EIF3H: variants seen among roughly 807,000 people sequenced by gnomAD.
The protein encoded by EIF3H is eIF-3-gamma.
A neutral mutation model predicts 44.2 loss-of-function variants in EIF3H; 26 were observed. The ratio of observed to expected loss-of-function variants is 0.59; its 90% confidence interval spans 0.43 to 0.82. EIF3H has a LOEUF of 0.82. EIF3H is among the 40% of genes least tolerant of loss of function. EIF3H has a pLI of 0.00. For missense variants in EIF3H, 359 were observed against 432.8 expected (o/e 0.83, Z 1.51); for synonymous variants, 166 against 151.9 (o/e 1.09, Z -0.68).
At chr8:116,715,439 G>A (rs1814646669) in intron 2 of EIF3H, among the ~76,000 whole-genome samples, 1 of 152,026 alleles carries the variant, frequency 6.6e-6, no homozygotes, top group Admixed American at 6.6e-5. Context: ...TACTGTCTGA[G>A]TAAAAAGATA....
At chr8:116,696,393 G>C (rs1814268694) in intron 2 of EIF3H, among the ~76,000 whole-genome samples, 1 of 152,134 alleles carries the variant, frequency 6.6e-6, no homozygotes, top group African/African-American at 2.4e-5. Flanking sequence ...ACAGCTACAT[G>C]ACTAAATTGA....
chr8:116,755,785 T>C lies in EIF3H; in HGVS notation c.13A>G (p.Lys5Glu), dbSNP rs142645902. 5.6e-6 allele frequency: 9 copies of C among 1,613,666 alleles called. No homozygotes were observed. Among genetic ancestry groups the C allele is most frequent in the African/African-American group, 4.0e-5 (3 of 74,920 alleles). ...GTGGCAGTAGAGCCGGTACCTTCCT[T>C]GCGGGACGCCATCTTTCCAAGCAGA... Reference protein sequence around the residue: MASRKEGTGSTATSS... With the variant: MASREEGTGSTATSS... The change falls in exon 1 of 8, where the codon AAG (lysine) becomes GAG (glutamate). Residue 5 changes from lysine (K) to glutamate (E), a missense_variant. Coordinates refer to ENST00000521861, the MANE Select transcript of EIF3H (RefSeq NM_003756.3).
At position 116,658,846 on chromosome 8, in the gene EIF3H, G is replaced by A. The variant is rs373715720; in HGVS notation, c.424C>T (p.His142Tyr). ...ALLDSQFSYQ[H>Y]AIEESVVLIY... Reference sequence around the variant, plus strand: ...AGAACGACAGATTCTTCAATGGCATGCTGGTAACTAAACTGAGAGTCCAGG... The same window carrying A: ...AGAACGACAGATTCTTCAATGGCATACTGGTAACTAAACTGAGAGTCCAGG... The change falls in exon 3 of 8, where the codon CAT becomes TAT. Residue 142 changes from histidine to tyrosine, a missense_variant. His to Tyr is a moderately conservative substitution (Grantham distance 83). Around this residue, in one of 5 missense-constraint regions of EIF3H, gnomAD observed 91 missense variants for 164.6 expected, o/e 0.55. Coordinates refer to ENST00000521861, the MANE Select transcript of EIF3H (RefSeq NM_003756.3). The A allele has an allele frequency of 1.2e-6, 2 of 1,613,676 alleles. No homozygotes were observed. Among genetic ancestry groups the A allele is most frequent in the African/African-American group, 2.7e-5 (2 of 74,902 alleles).
rs751242392 is a variant in EIF3H at position 116,755,733 on chromosome 8, G to A, written c.65C>T (p.Ala22Val). Residue 22 changes from alanine to valine, a missense_variant, in exon 1 of 8, where the codon GCA becomes GTA. Ala to Val is a moderately conservative substitution (Grantham distance 64). Around this residue, in one of 5 missense-constraint regions of EIF3H, gnomAD observed 59 missense variants for 33.5 expected, o/e 1.76. Transcript: ENST00000521861. ...ATSSSSTAGA[A>V]GKGKGKGGSG... is the part of the protein sequence containing the mutation. ...GCCGCCTTTGCCTTTGCCTTTCCCT[G>A]CTGCGCCGGCGGTGGAGCTGGAAGA... 4 of 1,613,900 alleles carry A rather than the reference G, an allele frequency of 2.5e-6. No individual in the cohort carries two copies. In the African/African-American group the frequency reaches 5.3e-5, roughly 22 times the overall value.
At chr8:116,763,765 G>A (rs557650759) in intron 1 of EIF3H, among the ~76,000 whole-genome samples, 1 of 152,224 alleles carries the variant, frequency 6.6e-6, no homozygotes, top group South Asian at 2.1e-4. Context: ...ATATAAGGAA[G>A]AATAATACCA....
At chr8:116,697,791 T>C (rs975085003) in intron 2 of EIF3H, among the ~76,000 whole-genome samples, 1 of 152,248 alleles carries the variant, frequency 6.6e-6, no homozygotes, top group East Asian at 1.9e-4. Context: ...ATTAGTCTAC[T>C]GAATAAAGAT....
intron 2 of EIF3H, among the ~76,000 whole-genome samples, chr8:116,662,703 C>T (rs538778179): frequency 2.8e-4 from 43 of 152,202 alleles, no homozygotes; most frequent in Admixed American, 2.5e-3. Flanking sequence ...AGTAGGAATA[C>T]GAAATGAAAA....
At chr8:116,684,604 T>C (rs1015002620) in intron 2 of EIF3H, among the ~76,000 whole-genome samples, 6 of 152,184 alleles carry the variant, frequency 3.9e-5, no homozygotes, top group Admixed American at 2.6e-4. Context: ...TAGACAATTA[T>C]TGATGGGAAG....
At chr8:116,660,150 CAA>C (rs1284077636) in intron 2 of EIF3H, among the ~76,000 whole-genome samples, 1 of 152,196 alleles carries the variant, frequency 6.6e-6, no homozygotes, top group African/African-American at 2.4e-5. Context: ...CTCGGCCTCC[CAA>C]AGTGTTGGGA....
Position 116,755,751 on chromosome 8 carries a change from C to G in EIF3H, c.47G>C (p.Ser16Thr), listed in dbSNP as rs1377604949. The stretch of plus-strand genomic sequence containing the variant: ...TTTCCCTGCTGCGCCGGCGGTGGAG[C>G]TGGAAGAGGTGGCAGTAGAGCCGGT... ...EGTGSTATSSSSTAGAAGKGK... is the reference protein window; with the variant it reads ...EGTGSTATSSTSTAGAAGKGK... Residue 16 changes from serine (S) to threonine (T), a missense_variant, in exon 1 of 8, where the codon AGC becomes ACC. Physicochemically the swap from Ser to Thr is moderately conservative, Grantham distance 58. Transcript: ENST00000521861. The G allele has an allele frequency of 4.3e-6, 7 of 1,614,128 alleles. No individual in the cohort carries two copies. Among genetic ancestry groups the G allele is most frequent in the Non-Finnish European group, 5.9e-6 (7 of 1,180,030 alleles).
chr8:116,697,899 T>C (rs928046062), intron 2 of EIF3H, among the ~76,000 whole-genome samples: 16 of 152,316 alleles, frequency 1.1e-4, no homozygotes, highest in Admixed American at 2.0e-4. Context: ...AGACACACAA[T>C]GAACTAATAA....
intron 2 of EIF3H, among the ~76,000 whole-genome samples, chr8:116,684,166 A>G (rs1814036294): frequency 2.0e-5 from 3 of 152,230 alleles, no homozygotes; most frequent in Admixed American, 2.0e-4. Flanking sequence ...TAATAAAAGG[A>G]GCCTGTCTTT....
At chr8:116,681,014 C>G (rs912874263) in intron 2 of EIF3H, among the ~76,000 whole-genome samples, 10 of 150,934 alleles carry the variant, frequency 6.6e-5, no homozygotes, top group Admixed American at 6.6e-5. Context: ...AAATAATGAT[C>G]GTGATGAGGA....
At chr8:116,672,657 C>T (rs987340686) in intron 2 of EIF3H, among the ~76,000 whole-genome samples, 3 of 151,456 alleles carry the variant, frequency 2.0e-5, no homozygotes, top group Non-Finnish European at 2.9e-5. Context: ...AAAAAAAAAA[C>T]TTGAAACAGT....
chr8:116,726,553 T>C (rs1165967681), intron 1 of EIF3H, among the ~76,000 whole-genome samples: 1 of 152,150 alleles, frequency 6.6e-6, no homozygotes, highest in African/African-American at 2.4e-5. Flanking sequence ...GACAAAACTA[T>C]CAATAAGACA....
chr8:116,691,670 T>C (rs1240646169), intron 2 of EIF3H, among the ~76,000 whole-genome samples: 1 of 151,676 alleles, frequency 6.6e-6, no homozygotes, highest in Non-Finnish European at 1.5e-5. Context: ...AGGCCAGGAG[T>C]TCGAGACCAG....
intron 1 of EIF3H, among the ~76,000 whole-genome samples, chr8:116,741,341 A>T (rs1248508425): frequency 2.6e-5 from 4 of 152,224 alleles, no homozygotes; most frequent in Non-Finnish European, 4.4e-5. Context: ...AAGACGCATC[A>T]ATCAGCTGGA....
At chr8:116,654,603 C>A (rs1453417608) in intron 5 of EIF3H, among the ~76,000 whole-genome samples, 3 of 152,080 alleles carry the variant, frequency 2.0e-5, no homozygotes, top group East Asian at 1.9e-4. Flanking sequence ...AAAAATATGA[C>A]CTTCTAAAAC....
At chr8:116,723,599 T>A (rs1189770483) in intron 2 of EIF3H, among the ~76,000 whole-genome samples, 1 of 152,358 alleles carries the variant, frequency 6.6e-6, no homozygotes, top group East Asian at 1.9e-4. Context: ...ATATACTTTG[T>A]GTTTATTATA....
Sources: gnomAD v4.1 joint callset for allele counts (sites outside exome capture counted in the v4.1 genomes callset) on GRCh38, gnomAD v4.1.1 for gene constraint, gnomAD v4.1.1 regional missense constraint, MANE v1.5 for transcripts, NCBI Gene and HGNC (gene_info 2026-07-23, HGNC 2026-07-21) for gene names.